Variants in EDEM3 observed in about 807,000 individuals in gnomAD.
The protein encoded by EDEM3 is ER degradation enhancing alpha-mannosidase like protein 3, also known as ER degradation-enhancing alpha-mannosidase-like protein 3.
Under a neutral mutation model 110.2 loss-of-function variants are expected in EDEM3, and 60 were observed. That is an observed-to-expected ratio of 0.54 (90% confidence interval 0.44 to 0.67). The LOEUF (loss-of-function observed/expected upper bound fraction) is 0.67. EDEM3 is among the 30% of genes least tolerant of loss of function. EDEM3 has a pLI of 0.00. For missense variants in EDEM3, 996 were observed against 1,121.0 expected, an observed-to-expected ratio of 0.89 and a Z score of 1.59; for synonymous variants, 352 against 382.9, an observed-to-expected ratio of 0.92 and a Z score of 0.94.
Position 184,690,294 on chromosome 1 carries a change from CTTG to C in EDEM3, c.*3766_*3768del. The C allele has an allele frequency of 6.6e-6, 1 of 152,344 alleles. No homozygotes were observed. Among genetic ancestry groups the C allele is most frequent in the Middle Eastern group, 3.4e-3 (1 of 294 alleles). 9.4% of individuals were successfully genotyped at this position (152,344 alleles called of 1,614,324 possible). A position where few individuals can be genotyped will look rare whatever the true frequency, so the allele number is the denominator to read the frequency against. ...GCATTACCTTTGTGCATGCTACTGACTTGTTGAAAAACTTTCAGTGATTTCTTA... is the reference window on the plus strand; with the variant it reads ...GCATTACCTTTGTGCATGCTACTGACTTGAAAAACTTTCAGTGATTTCTTA... On this transcript the variant is annotated 3_prime_UTR_variant, in exon 20 of 20. Coordinates refer to ENST00000318130, the MANE Select transcript of EDEM3 (RefSeq NM_025191.4).
chr1:184,743,280 G>A (rs1218768642), intron 2 of EDEM3, among the ~76,000 whole-genome samples: 1 of 152,056 alleles, frequency 6.6e-6, no homozygotes, highest in Non-Finnish European at 1.5e-5. Flanking sequence ...GCCTTATCAA[G>A]CTTCAAACAT....
chr1:184,725,415 G>A (rs1469591220), intron 7 of EDEM3, among the ~76,000 whole-genome samples: 1 of 151,960 alleles, frequency 6.6e-6, no homozygotes, highest in Non-Finnish European at 1.5e-5. Flanking sequence ...TTTTAATGAA[G>A]GGAAAATATT....
intron 19 of EDEM3, among the ~76,000 whole-genome samples, chr1:184,694,992 G>C (rs755572671): frequency 4.6e-5 from 7 of 151,954 alleles, no homozygotes; most frequent in Admixed American, 3.9e-4. Flanking sequence ...GGGTATTAAT[G>C]TGACTGATCA....
At chr1:184,730,813 T>C (rs1177416771) in intron 6 of EDEM3, among the ~76,000 whole-genome samples, 1 of 150,460 alleles carries the variant, frequency 6.6e-6, no homozygotes, top group Non-Finnish European at 1.5e-5. Flanking sequence ...CTTATATTTG[T>C]AGAGAAGTTA....
chr1:184,751,788 T>G (rs572382387), intron 1 of EDEM3, among the ~76,000 whole-genome samples: 1 of 152,264 alleles, frequency 6.6e-6, no homozygotes, highest in Admixed American at 6.5e-5. Flanking sequence ...AGTTTTGCTC[T>G]TGTTGCCCGG....
At chr1:184,723,683 G>A in intron 8 of EDEM3, 68 bp downstream of exon 8, 1 of 1,180,736 alleles carries the variant, frequency 8.5e-7, no homozygotes, top group Non-Finnish European at 1.2e-6. Flanking sequence ...TTTAACAAAT[G>A]AAAATTCTTT....
rs202039206 is a variant in EDEM3, at chr1:184,726,352, C to T, written c.650G>A (p.Arg217Gln). Residue 217 changes from arginine to glutamine, a missense_variant, in exon 7 of 20, where the codon CGG (arginine) becomes CAG (glutamine). Around this residue, in one of 5 missense-constraint regions of EDEM3, gnomAD observed 310 missense variants for 394.6 expected, o/e 0.79. Transcript: ENST00000318130. ...LKFGIRKPEA[R>Q]TGTETDTCTA... is the part of the protein sequence containing the mutation. ...ACAGGTATCTGTCTCAGTTCCTGTC[C>T]GAGCTTCTGGTTTTCTGATGCCAAA... The T allele has an allele frequency of 1.3e-4, 209 of 1,613,470 alleles. No homozygotes were observed. Among genetic ancestry groups the T allele is most frequent in the Admixed American group, 1.2e-4 (7 of 59,986 alleles).
At chr1:184,706,064 T>C (rs947702960) in intron 18 of EDEM3, among the ~76,000 whole-genome samples, 1 of 152,170 alleles carries the variant, frequency 6.6e-6, no homozygotes, top group Non-Finnish European at 1.5e-5. Context: ...ATTTTATATA[T>C]CTTTAAACCT....
chr1:184,723,865 T>TAAAAA lies in EDEM3; in HGVS notation c.748-14_748-10dup, dbSNP rs71101940. The TAAAAA allele has an allele frequency of 2.2e-4, 236 of 1,090,750 alleles. No individual in the cohort carries two copies. The highest frequency in any genetic ancestry group is 8.7e-4 in the South Asian group (45 of 52,022). 67.6% of individuals were successfully genotyped at this position (1,090,750 alleles called of 1,614,324 possible). A position where few individuals can be genotyped will look rare whatever the true frequency, so the allele number is the denominator to read the frequency against. ...GCTTTTCTGGCATATTCCTGTAATTTAAAAAAAAAAAAAAAAAAAAGAAGT... is the reference window on the plus strand; with the variant it reads ...GCTTTTCTGGCATATTCCTGTAATTTAAAAAAAAAAAAAAAAAAAAAAAAAGAAGT... On this transcript the variant is annotated splice_polypyrimidine_tract_variant and intron_variant, in intron 7 of 19. Transcript: ENST00000318130.
Position 184,694,171 on chromosome 1 carries a change from G to C in EDEM3, c.2691C>G (p.Ser897=). The part of the protein sequence containing the change: ...LQEQSETEED[S]NPNVSWGKKV... ...TTTTACCCCAGCTAACATTAGGATT[G>C]GAATCTTCCTCAGTTTCTGATTGTT... The change falls in exon 20 of 20, where the codon TCC becomes TCG. Residue 897 remains serine (S), a synonymous_variant. Transcript: ENST00000318130. The C allele has an allele frequency of 1.2e-6, 2 of 1,613,356 alleles. No individual in the cohort carries two copies. Among genetic ancestry groups the C allele is most frequent in the Non-Finnish European group, 1.7e-6 (2 of 1,179,612 alleles).
Position 184,693,840 on chromosome 1 carries a change from G to T in EDEM3, c.*223C>A. The stretch of plus-strand genomic sequence containing the variant: ...GGGTGGTGCAGTGCTGCATTTGAAG[G>T]GGGAACTGTGGATTTCCATTTTTGA... On this transcript the variant is annotated 3_prime_UTR_variant, in exon 20 of 20. Coordinates refer to ENST00000318130, the MANE Select transcript of EDEM3 (RefSeq NM_025191.4). The T allele has an allele frequency of 2.0e-6, 1 of 496,116 alleles. No homozygotes were observed. Among genetic ancestry groups the T allele is most frequent in the Non-Finnish European group, 3.6e-6 (1 of 279,790 alleles). 30.7% of individuals were successfully genotyped at this position (496,116 alleles called of 1,614,324 possible). A position where few individuals can be genotyped will look rare whatever the true frequency, so the allele number is the denominator to read the frequency against.
intron 9 of EDEM3, 193 bp downstream of exon 9, chr1:184,721,096 C>T (rs1300719499): frequency 4.2e-6 from 2 of 481,664 alleles, no homozygotes; most frequent in East Asian, 7.8e-5. Flanking sequence ...AATAAAACTA[C>T]TTTATCAACT....
chr1:184,723,977 TA>T (rs1651054793), intron 7 of EDEM3, 121 bp from the exon 8 acceptor site: 4 of 688,246 alleles, frequency 5.8e-6, no homozygotes, highest in Non-Finnish European at 9.0e-6. Context: ...AGAATTAGGT[TA>T]AATTTCTAAG....
chr1:184,750,738 C>T (rs1007130721), intron 1 of EDEM3, among the ~76,000 whole-genome samples: 9 of 152,050 alleles, frequency 5.9e-5, no homozygotes, highest in Admixed American at 5.2e-4. Flanking sequence ...GTCTCGAACT[C>T]CTGACCTCAT....
chr1:184,733,063 T>TA, intron 5 of EDEM3, 73 bp from the exon 6 acceptor site: 1 of 1,441,572 alleles, frequency 6.9e-7, no homozygotes, highest in Non-Finnish European at 9.3e-7. Context: ...AAGGTGTGGG[T>TA]ACTTTGTTAT....
intron 19 of EDEM3, 53 bp from the exon 20 acceptor site, chr1:184,694,525 T>A: frequency 6.8e-7 from 1 of 1,478,472 alleles, no homozygotes; most frequent in Non-Finnish European, 9.0e-7. Context: ...AATGTACTAT[T>A]ACACTTTCCA....
chr1:184,754,745 G>C lies in EDEM3; in HGVS notation c.-99C>G. The C allele has an allele frequency of 7.1e-7, 1 of 1,415,798 alleles. No homozygotes were observed. The highest frequency in any genetic ancestry group is 9.2e-7 in the Non-Finnish European group (1 of 1,091,438). The allele number at this position is 1,415,798 out of a possible 1,614,324, so 87.7% of individuals were successfully genotyped here. A position where few individuals can be genotyped will look rare whatever the true frequency, so the allele number is the denominator to read the frequency against. On this transcript the variant is annotated 5_prime_UTR_variant, in exon 1 of 20. Coordinates refer to ENST00000318130, the MANE Select transcript of EDEM3 (RefSeq NM_025191.4). ...GGGGCTGCTAGCCGTGCCGAGACGG[G>C]GCGGGATGCGGAGTAACACGGACGG...
intron 6 of EDEM3, among the ~76,000 whole-genome samples, chr1:184,727,755 G>A (rs757151239): frequency 2.6e-5 from 4 of 152,146 alleles, no homozygotes; most frequent in Non-Finnish European, 5.9e-5. Flanking sequence ...TAGTCTAGCA[G>A]TACCCCTCCA....
At chr1:184,704,901 G>T (rs1401886019) in intron 18 of EDEM3, among the ~76,000 whole-genome samples, 1 of 150,286 alleles carries the variant, frequency 6.7e-6, no homozygotes, top group Non-Finnish European at 1.5e-5. Context: ...CTACTAAAAA[G>T]AAAAAAATAT....
Sources: allele counts gnomAD v4.1 joint callset (sites outside exome capture counted in the v4.1 genomes callset), GRCh38; gene constraint gnomAD v4.1.1; regional missense constraint gnomAD v4.1.1; transcripts MANE v1.5; gene names NCBI Gene and HGNC (gene_info 2026-07-23, HGNC 2026-07-21).